Variants in PAX3 observed in about 807,000 individuals in gnomAD.
PAX3 encodes the protein paired box protein Pax-3.
PAX3 carries 14 observed loss-of-function variants against 51.6 expected under a neutral mutation model. The observed-to-expected ratio is 0.27, with a 90% confidence interval of 0.18 to 0.42. The LOEUF is 0.42. PAX3 is among the 10% of genes least tolerant of loss of function. PAX3 has a pLI of 1.00. For synonymous variants in PAX3, 280 were observed against 253.4 expected, an observed-to-expected ratio of 1.11 and a Z score of -1.00; for missense variants, 540 against 642.8, an observed-to-expected ratio of 0.84 and a Z score of 1.73.
intron 7 of PAX3, among the ~76,000 whole-genome samples, chr2:222,218,364 T>A (rs182942614): frequency 6.6e-6 from 1 of 152,312 alleles, no homozygotes; most frequent in Admixed American, 6.5e-5. Flanking sequence ...AATACATTTA[T>A]ACAAGAAAGT....
chr2:222,292,553 G>A lies in PAX3; in HGVS notation c.586+1614C>T, dbSNP rs375948083. ...GAGCAGCCAGTCTGCCAGCGCCGGAGCCTCCAGCAACAAGTAGCAAAGCCG... is the reference window on the plus strand; with the variant it reads ...GAGCAGCCAGTCTGCCAGCGCCGGAACCTCCAGCAACAAGTAGCAAAGCCG... On this transcript the variant is annotated intron_variant, in intron 4 of 8. Transcript: ENST00000392070. Among the ~76,000 whole-genome samples the A allele has an allele frequency of 2.6e-5, 4 of 152,226 alleles. No individual in the cohort carries two copies. The East Asian group carries it at 5.8e-4, about 22-fold the overall frequency.
At chr2:222,294,706 T>C (rs1695192999) in intron 3 of PAX3, among the ~76,000 whole-genome samples, 1 of 147,820 alleles carries the variant, frequency 6.8e-6, no homozygotes, top group African/African-American at 2.5e-5. Flanking sequence ...CCTGAATGCA[T>C]GGATCCTGCG....
chr2:222,246,799 T>C lies in PAX3; in HGVS notation c.587-14516A>G, dbSNP rs1693245409. Among the ~76,000 whole-genome samples, 3 of 152,250 alleles carry C rather than the reference T, an allele frequency of 2.0e-5. No homozygotes were observed. The South Asian group carries it at 6.2e-4, about 31-fold the overall frequency. On this transcript the variant is annotated intron_variant, in intron 4 of 8. Transcript: ENST00000392070. ...GAATTTATCCTTGTTATTTTAGCAATAGCACAAGTTGCTTGGTTAATAGTA... is the reference window on the plus strand; with the variant it reads ...GAATTTATCCTTGTTATTTTAGCAACAGCACAAGTTGCTTGGTTAATAGTA...
At chr2:222,261,521 G>A (rs1693859863) in intron 4 of PAX3, among the ~76,000 whole-genome samples, 1 of 151,200 alleles carries the variant, frequency 6.6e-6, no homozygotes, top group Non-Finnish European at 1.5e-5. Flanking sequence ...GAAGAAGATT[G>A]TAATATTTCT....
At chr2:222,211,768 A>T (rs539320829) in intron 7 of PAX3, among the ~76,000 whole-genome samples, 1 of 152,226 alleles carries the variant, frequency 6.6e-6, no homozygotes, top group Non-Finnish European at 1.5e-5. Context: ...ACACTGAATT[A>T]AACAAAATTA....
rs747022299 is a variant in PAX3, at chr2:222,201,955, T to A, written c.1409A>T (p.Gln470Leu). Residue 470 changes from glutamine to leucine, a missense_variant, in exon 8 of 9, where the codon CAG (glutamine) becomes CTG (leucine). By Grantham distance (113) the Gln-to-Leu change is moderately radical (BLOSUM62 -2). Coordinates refer to ENST00000392070, the MANE Select transcript of PAX3 (RefSeq NM_181458.4). ...AGTCCAAGGCTTACTTTGTCCATAC[T>A]GCCCATATTGGTAGCCTGTGACAGG... ...MDPVTGYQYG[Q>L]YGQSAFHYLK... The A allele has an allele frequency of 1.5e-5, 24 of 1,614,130 alleles. No homozygotes were observed. The highest frequency in any genetic ancestry group is 1.9e-5 in the Non-Finnish European group (23 of 1,179,990).
At chr2:222,249,284 C>T (rs45480191) in intron 4 of PAX3, among the ~76,000 whole-genome samples, 58 of 152,288 alleles carry the variant, frequency 3.8e-4, no homozygotes, top group African/African-American at 1.3e-3. Context: ...ACTAAATACA[C>T]TTGCCCCTTT....
chr2:222,245,815 C>CAAAAAAA (rs10628623), intron 4 of PAX3, among the ~76,000 whole-genome samples: 1 of 135,508 alleles, frequency 7.4e-6, no homozygotes, highest in African/African-American at 2.8e-5. Context: ...ACTAAAAATA[C>CAAAAAAA]AAAAAAAAAA....
In PAX3 at chr2:222,209,359, A is replaced by T. The variant is rs540053965; in HGVS notation, c.1174-7169T>A. ...TTGTGAAGGAAGGTACATCCTTAAG[A>T]TAAAGAAAAGAACCAACTGAAAAGA... On this transcript the variant is annotated intron_variant, in intron 7 of 8. Transcript: ENST00000392070. Among the ~76,000 whole-genome samples, 5 of 152,278 alleles carry T rather than the reference A, an allele frequency of 3.3e-5. No homozygotes were observed. The South Asian group carries it at 1.0e-3, about 32-fold the overall frequency.
At chr2:222,222,778 C>G (rs1431887617) in intron 5 of PAX3, among the ~76,000 whole-genome samples, 3 of 152,278 alleles carry the variant, frequency 2.0e-5, no homozygotes, top group Non-Finnish European at 2.9e-5. Flanking sequence ...TAGTTTGATG[C>G]CTTGTCCTCA....
At chr2:222,212,217 C>T (rs932885110) in intron 7 of PAX3, among the ~76,000 whole-genome samples, 27 of 152,094 alleles carry the variant, frequency 1.8e-4, no homozygotes, top group Admixed American at 1.7e-3. Context: ...AATCTCAGGA[C>T]AGATGCAATA....
Position 222,298,637 on chromosome 2 carries a change from A to G in PAX3, c.-22T>C. The G allele has an allele frequency of 1.3e-6, 2 of 1,591,270 alleles. No homozygotes were observed. The highest frequency in any genetic ancestry group is 2.3e-5 in the East Asian group (1 of 43,736). On this transcript the variant is annotated 5_prime_UTR_variant, in exon 1 of 9. Coordinates refer to ENST00000392070, the MANE Select transcript of PAX3 (RefSeq NM_181458.4). ...TCATCCTGGGGGCAGCTTCGCTCGG[A>G]AATTATATCCAGGTGAAGGCGAAAC...
chr2:222,290,240 C>T lies in PAX3; in HGVS notation c.586+3927G>A, dbSNP rs192708618. 2.5e-3 allele frequency among the ~76,000 whole-genome samples: 386 copies of T among 151,956 alleles called. 4 individuals are homozygous for T. The highest frequency in any genetic ancestry group is 8.9e-3 in the African/African-American group (365 of 41,226). On this transcript the variant is annotated intron_variant, in intron 4 of 8. Transcript: ENST00000392070. ...TGCGTTTTAAACTGATTAATCTTCT[C>T]CTACCTCCCCCCCAAAAAGCTGAAG...
chr2:222,286,430 T>C (rs985841479), intron 4 of PAX3, among the ~76,000 whole-genome samples: 3 of 152,242 alleles, frequency 2.0e-5, no homozygotes, highest in Non-Finnish European at 2.9e-5. Context: ...GCCAGTTTAA[T>C]AGTTGCCTAT....
intron 4 of PAX3, among the ~76,000 whole-genome samples, chr2:222,279,672 T>C (rs1452343392): frequency 6.6e-6 from 1 of 152,222 alleles, no homozygotes; most frequent in Non-Finnish European, 1.5e-5. Context: ...TGAAAGATAG[T>C]CATTGTCTTA....
At position 222,295,750 on chromosome 2, in the gene PAX3, C is replaced by G. The variant is rs1695262467; in HGVS notation, c.322-93G>C. The G allele has an allele frequency of 2.8e-6, 4 of 1,416,826 alleles. No homozygotes were observed. In the South Asian group the frequency reaches 4.6e-5, roughly 16 times the overall value. 87.8% of individuals were successfully genotyped at this position (1,416,826 alleles called of 1,614,324 possible). On this transcript the variant is annotated intron_variant, in intron 2 of 8. Coordinates refer to ENST00000392070, the MANE Select transcript of PAX3 (RefSeq NM_181458.4). ...CCTCTGGGCCTGTCGGGATGCTCCT[C>G]GCTGAATCCTCTGGGACGGTCCCCC...
intron 4 of PAX3, among the ~76,000 whole-genome samples, chr2:222,251,771 G>C (rs548054902): frequency 1.3e-5 from 2 of 152,290 alleles, no homozygotes; most frequent in Admixed American, 1.3e-4. Context: ...TCCAGCACCT[G>C]TTGTTTCCTG....
At chr2:222,202,296 A>G (rs1181884440) in intron 7 of PAX3, 106 bp from the exon 8 acceptor site, 1 of 944,664 alleles carries the variant, frequency 1.1e-6, no homozygotes, top group Non-Finnish European at 1.7e-6. Flanking sequence ...TTCTTTGGAA[A>G]TTGGTTAAAG....
intron 4 of PAX3, chr2:222,293,796 A>G: frequency 6.2e-7 from 1 of 1,614,090 alleles, no homozygotes; most frequent in Non-Finnish European, 8.5e-7. Flanking sequence ...TGAAGATTCA[A>G]GTACCCTCTA....
Sources: gnomAD v4.1 joint callset for allele counts (sites outside exome capture counted in the v4.1 genomes callset) on GRCh38, gnomAD v4.1.1 for gene constraint, MANE v1.5 for transcripts, NCBI Gene and HGNC (gene_info 2026-07-23, HGNC 2026-07-21) for gene names.